The following EMCN variants were observed in gnomAD, a reference collection of about 807,000 sequenced individuals.
EMCN encodes the protein MUC-14.
A neutral mutation model predicts 38.4 loss-of-function variants in EMCN; 37 were observed. The ratio of observed to expected loss-of-function variants is 0.96; its 90% CI spans 0.74 to 1.27. The LOEUF is 1.27. Ranked by LOEUF, EMCN falls within the 50% of genes most tolerant of loss-of-function variation. The pLI is 0.00. For synonymous variants in EMCN, 95 were observed against 100.8 expected (o/e 0.94, Z 0.35); for missense variants, 318 against 302.8 (o/e 1.05, Z -0.37).
At chr4:100,470,158 A>G (rs1728435307) in intron 3 of EMCN, among the ~76,000 whole-genome samples, 1 of 152,024 alleles carries the variant, frequency 6.6e-6, no homozygotes, top group Admixed American at 6.6e-5. Context: ...CAAAAGTCTA[A>G]TATTCCGCAT....
chr4:100,406,254 T>C (rs779641301), intron 11 of EMCN, among the ~76,000 whole-genome samples: 1 of 152,144 alleles, frequency 6.6e-6, no homozygotes, highest in Non-Finnish European at 1.5e-5. Flanking sequence ...TCTCTGATTT[T>C]GGTTATTTTT....
In EMCN at chr4:100,396,081, T is replaced by C. The variant is rs757573257; in HGVS notation, c.*2332A>G. On this transcript the variant is annotated 3_prime_UTR_variant, in exon 12 of 12. Coordinates refer to ENST00000296420, the MANE Select transcript of EMCN (RefSeq NM_016242.4). ...CTAAATCAGATAATTAAAACATATT[T>C]GATTAATGGTAATTTTGGCTTGAAA... 11 of 152,196 alleles carry C rather than the reference T, an allele frequency of 7.2e-5. No homozygotes were observed. The highest frequency in any genetic ancestry group is 1.6e-4 in the Non-Finnish European group (11 of 68,036). 9.4% of individuals were successfully genotyped at this position (152,196 alleles called of 1,614,324 possible).
chr4:100,495,096 C>T (rs1218092043), intron 1 of EMCN, among the ~76,000 whole-genome samples: 1 of 151,962 alleles, frequency 6.6e-6, no homozygotes, highest in Non-Finnish European at 1.5e-5. Flanking sequence ...CTTAATCCTC[C>T]CTCTACCACA....
At chr4:100,417,895 T>C (rs1726780849) in intron 8 of EMCN, among the ~76,000 whole-genome samples, 1 of 152,234 alleles carries the variant, frequency 6.6e-6, no homozygotes, top group Non-Finnish European at 1.5e-5. Flanking sequence ...TGTGCTCCTT[T>C]GGTCTGGTTT....
intron 5 of EMCN, among the ~76,000 whole-genome samples, chr4:100,436,394 T>A (rs1474661021): frequency 6.6e-6 from 1 of 152,110 alleles, no homozygotes; most frequent in African/African-American, 2.4e-5. Context: ...GAAAAAGGAA[T>A]GCTTTTACAT....
chr4:100,436,359 C>T (rs1263699740), intron 5 of EMCN, among the ~76,000 whole-genome samples: 2 of 152,010 alleles, frequency 1.3e-5, no homozygotes, highest in African/African-American at 4.8e-5. Context: ...AGTTAAGAAA[C>T]AACAAATGCT....
At chr4:100,486,827 A>T (rs928539669) in intron 1 of EMCN, 1 of 982,774 alleles carries the variant, frequency 1.0e-6, no homozygotes. Flanking sequence ...TGACAAATGG[A>T]TGGAGGTGTA....
At chr4:100,465,586 T>A in intron 3 of EMCN, 47 bp from the exon 4 acceptor site, 1 of 993,004 alleles carries the variant, frequency 1.0e-6, no homozygotes, top group Non-Finnish European at 1.5e-6. Context: ...AATCACCAGA[T>A]CATCTTATTA....
At chr4:100,417,495 A>T (rs1726768091) in intron 8 of EMCN, among the ~76,000 whole-genome samples, 1 of 152,194 alleles carries the variant, frequency 6.6e-6, no homozygotes, top group Non-Finnish European at 1.5e-5. Flanking sequence ...AAATTCTATT[A>T]AAAGTATTGA....
intron 4 of EMCN, 124 bp downstream of exon 4, chr4:100,465,299 G>T: frequency 1.7e-6 from 1 of 571,450 alleles, no homozygotes; most frequent in Non-Finnish European, 3.1e-6. Flanking sequence ...GTTCTATTGG[G>T]TAGAGATTAA....
intron 8 of EMCN, 23 bp from the exon 9 acceptor site, chr4:100,417,164 T>G (rs776049709): frequency 6.2e-7 from 1 of 1,613,436 alleles, no homozygotes; most frequent in Non-Finnish European, 8.5e-7. Flanking sequence ...GGAGTTGTTA[T>G]TAGAGTTGCA....
chr4:100,436,900 G>A (rs1727369282), intron 5 of EMCN, among the ~76,000 whole-genome samples: 1 of 152,158 alleles, frequency 6.6e-6, no homozygotes, highest in African/African-American at 2.4e-5. Context: ...GAGAGCATTA[G>A]GAGTAGTGAA....
intron 1 of EMCN, among the ~76,000 whole-genome samples, chr4:100,505,210 G>T (rs1254656580): frequency 6.6e-6 from 1 of 151,978 alleles, no homozygotes; most frequent in Non-Finnish European, 1.5e-5. Context: ...GCCACTACTG[G>T]TCTCCGCGTC....
intron 4 of EMCN, among the ~76,000 whole-genome samples, chr4:100,463,873 A>G (rs1452523620): frequency 2.6e-5 from 4 of 152,074 alleles, no homozygotes; most frequent in Non-Finnish European, 4.4e-5. Context: ...GTTCTTTTTC[A>G]AAAGTGTTTT....
At chr4:100,492,673 C>T (rs1365621409) in intron 1 of EMCN, among the ~76,000 whole-genome samples, 1 of 148,542 alleles carries the variant, frequency 6.7e-6, no homozygotes, top group African/African-American at 2.6e-5. Context: ...ATAAAAAACA[C>T]ATCATATATA....
intron 3 of EMCN, among the ~76,000 whole-genome samples, chr4:100,469,148 C>T (rs1023473081): frequency 3.3e-5 from 5 of 152,018 alleles, no homozygotes; most frequent in Non-Finnish European, 5.9e-5. Flanking sequence ...ATAGTCTCTT[C>T]AATACATTGC....
At chr4:100,426,495 A>G (rs1295457536) in intron 5 of EMCN, among the ~76,000 whole-genome samples, 1 of 151,960 alleles carries the variant, frequency 6.6e-6, no homozygotes, top group Non-Finnish European at 1.5e-5. Context: ...GCTCTTCTAG[A>G]CTTTCCTTGT....
chr4:100,417,153 G>A lies in EMCN; in HGVS notation c.665-12C>T, dbSNP rs2110214326. On this transcript the variant is annotated splice_polypyrimidine_tract_variant and intron_variant, in intron 8 of 11. Transcript: ENST00000296420. ...ATTTTCTGGTGTGCCTAGGAGAAGA[G>A]GGAGTTGTTATTAGAGTTGCAAAGA... is the stretch of plus-strand genomic sequence containing the variant. 1 of 1,613,642 alleles carries A rather than the reference G, an allele frequency of 6.2e-7. No individual in the cohort carries two copies. Among genetic ancestry groups the A allele is most frequent in the Admixed American group, 1.7e-5 (1 of 59,992 alleles).
At chr4:100,481,667 A>T (rs2110282571) in intron 1 of EMCN, among the ~76,000 whole-genome samples, 1 of 152,170 alleles carries the variant, frequency 6.6e-6, no homozygotes, top group South Asian at 2.1e-4. Flanking sequence ...TTTAGCCTTA[A>T]CTTCTATGAT....
Sources: gnomAD v4.1 joint callset for allele counts (sites outside exome capture counted in the v4.1 genomes callset) on GRCh38, gnomAD v4.1.1 for gene constraint, MANE v1.5 for transcripts, NCBI Gene and HGNC (gene_info 2026-07-23, HGNC 2026-07-21) for gene names.